Variants in AK8 observed in about 807,000 individuals in gnomAD.
AK8 encodes the protein ATP-AMP transphosphorylase 8.
AK8 carries 44 observed loss-of-function variants against 54.6 expected under a neutral mutation model. The observed-to-expected ratio is 0.81, with a 90% CI of 0.63 to 1.04. AK8 has a LOEUF of 1.04. Among genes scored for constraint, AK8 ranks in the 50% least tolerant of loss-of-function variants. The pLI is 0.00. For missense variants in AK8, 555 were observed against 613.6 expected, an observed-to-expected ratio of 0.90 and a Z score of 1.01; for synonymous variants, 239 against 245.6, an observed-to-expected ratio of 0.97 and a Z score of 0.25.
chr9:132,753,908 C>T (rs1838065911), intron 11 of AK8, among the ~76,000 whole-genome samples: 1 of 152,236 alleles, frequency 6.6e-6, no homozygotes, highest in Admixed American at 6.5e-5. Flanking sequence ...CCCATCATTG[C>T]CTCCATTTTA....
chr9:132,801,717 T>G (rs1182434103), intron 10 of AK8, among the ~76,000 whole-genome samples: 1 of 152,234 alleles, frequency 6.6e-6, no homozygotes, highest in African/African-American at 2.4e-5. Flanking sequence ...TCACCAAGCA[T>G]GTATGCTACA....
chr9:132,742,323 G>A (rs1320839792), intron 11 of AK8, among the ~76,000 whole-genome samples: 1 of 152,054 alleles, frequency 6.6e-6, no homozygotes, highest in Non-Finnish European at 1.5e-5. Context: ...TACAGCACAT[G>A]CCACTACTCC....
intron 11 of AK8, among the ~76,000 whole-genome samples, chr9:132,779,599 T>C (rs1260982634): frequency 6.6e-6 from 1 of 152,224 alleles, no homozygotes; most frequent in Non-Finnish European, 1.5e-5. Flanking sequence ...GCAGAGCAGG[T>C]CATAGCCATT....
chr9:132,795,466 C>T (rs1840124599), intron 10 of AK8, among the ~76,000 whole-genome samples: 1 of 152,150 alleles, frequency 6.6e-6, no homozygotes, highest in African/African-American at 2.4e-5. Flanking sequence ...TGTTTTCTTG[C>T]CAGGATGAAT....
intron 10 of AK8, among the ~76,000 whole-genome samples, chr9:132,807,545 G>C (rs1019160127): frequency 5.9e-5 from 9 of 152,176 alleles, no homozygotes; most frequent in African/African-American, 1.9e-4. Context: ...CAGTTCCTTG[G>C]GCCAGGGCAG....
At chr9:132,794,575 C>G (rs1840075143) in intron 10 of AK8, among the ~76,000 whole-genome samples, 1 of 152,200 alleles carries the variant, frequency 6.6e-6, no homozygotes, top group Non-Finnish European at 1.5e-5. Context: ...CTGGGTGATT[C>G]TTTCTTTAAT....
At chr9:132,822,703 C>T (rs897128021) in intron 9 of AK8, among the ~76,000 whole-genome samples, 3 of 152,102 alleles carry the variant, frequency 2.0e-5, no homozygotes, top group Admixed American at 1.3e-4. Context: ...TTTCTCTCTT[C>T]CTGGTAAAAT....
intron 5 of AK8, among the ~76,000 whole-genome samples, chr9:132,840,404 ACT>A (rs1307386647): frequency 2.2e-5 from 2 of 89,442 alleles, no homozygotes; most frequent in African/African-American, 4.2e-5. Context: ...CCAAGTGGAC[ACT>A]CACACACACA....
intron 10 of AK8, among the ~76,000 whole-genome samples, chr9:132,807,698 G>C (rs2131227353): frequency 6.6e-6 from 1 of 152,332 alleles, no homozygotes; most frequent in East Asian, 1.9e-4. Flanking sequence ...AAATAAAGCA[G>C]TGCAGACTTC....
intron 11 of AK8, among the ~76,000 whole-genome samples, chr9:132,735,641 C>A (rs1347440486): frequency 1.3e-5 from 2 of 152,178 alleles, no homozygotes; most frequent in Non-Finnish European, 2.9e-5. Flanking sequence ...TAGCATGGTG[C>A]ACCTCCTGTG....
At chr9:132,867,220 C>G (rs1273217823) in intron 2 of AK8, among the ~76,000 whole-genome samples, 1 of 152,050 alleles carries the variant, frequency 6.6e-6, no homozygotes, top group East Asian at 1.9e-4. Flanking sequence ...TCATAAATAT[C>G]AAGAACAATT....
rs1841885492 is a variant in AK8, at chr9:132,826,779, G to A, written c.757+75C>T. 1.3e-6 allele frequency: 2 copies of A among 1,511,992 alleles called. No homozygotes were observed. Among genetic ancestry groups the A allele is most frequent in the Non-Finnish European group, 1.8e-6 (2 of 1,092,344 alleles). 93.7% of individuals were successfully genotyped at this position (1,511,992 alleles called of 1,614,324 possible). The stretch of plus-strand genomic sequence containing the variant: ...GACACTGGCCACTACCAGAATAAGG[G>A]ACAAAGTGGTAGAAGGCACAGCGAG... On this transcript the variant is annotated intron_variant, in intron 8 of 12. Transcript: ENST00000298545. This position sits in a 1 kb window ranked among gnomAD's most constrained non-coding sequence, Gnocchi z 4.5.
At chr9:132,845,579 T>A (rs1466228290) in intron 5 of AK8, among the ~76,000 whole-genome samples, 1 of 152,114 alleles carries the variant, frequency 6.6e-6, no homozygotes, top group Non-Finnish European at 1.5e-5. Context: ...CACTTGGAAG[T>A]CAGGAGTTTG....
intron 11 of AK8, among the ~76,000 whole-genome samples, chr9:132,773,634 G>A (rs971407727): frequency 3.9e-5 from 6 of 152,186 alleles, no homozygotes; most frequent in African/African-American, 1.4e-4. Flanking sequence ...TTACATGGGA[G>A]GAAACCATAG....
chr9:132,826,801 C>A lies in AK8; in HGVS notation c.757+53G>T. On this transcript the variant is annotated intron_variant, in intron 8 of 12. Transcript: ENST00000298545. This position sits in a 1 kb window ranked among gnomAD's most constrained non-coding sequence, Gnocchi z 4.5. The stretch of plus-strand genomic sequence containing the variant: ...AGGGACAAAGTGGTAGAAGGCACAG[C>A]GAGCCCCGCCCTTGGCCGTCTGTCC... 1 of 1,576,620 alleles carries A rather than the reference C, an allele frequency of 6.3e-7. No individual in the cohort carries two copies. Among genetic ancestry groups the A allele is most frequent in the Non-Finnish European group, 8.7e-7 (1 of 1,146,808 alleles).
intron 8 of AK8, 51 bp from the exon 9 acceptor site, chr9:132,823,387 A>T: frequency 6.2e-7 from 1 of 1,609,666 alleles, no homozygotes; most frequent in East Asian, 2.2e-5. Context: ...GAGAACAGGA[A>T]ACCCGCTTGC....
chr9:132,866,790 G>C, intron 3 of AK8, 114 bp downstream of exon 3: 1 of 1,044,318 alleles, frequency 9.6e-7, no homozygotes, highest in Non-Finnish European at 1.5e-6. Context: ...AGGAGGAGAA[G>C]GAAAAGAAGA....
chr9:132,853,783 CAAAAAAAAAAAA>C (rs71376669), intron 5 of AK8, among the ~76,000 whole-genome samples: 3 of 42,590 alleles, frequency 7.0e-5, no homozygotes, highest in East Asian at 1.5e-3. Flanking sequence ...GACTCTGCCT[CAAAAAAAAAAAA>C]AAAAAAAAAA....
chr9:132,796,322 A>G, intron 10 of AK8, among the ~76,000 whole-genome samples: 1 of 152,276 alleles, frequency 6.6e-6, no homozygotes. Flanking sequence ...GCCAGATAGA[A>G]ATACAATGAG....
Sources: allele counts gnomAD v4.1 joint callset (sites outside exome capture counted in the v4.1 genomes callset), GRCh38; gene constraint gnomAD v4.1.1; non-coding constraint Gnocchi (gnomAD v3.1); transcripts MANE v1.5; gene names NCBI Gene and HGNC (gene_info 2026-07-23, HGNC 2026-07-21).